The following NSUN7 variants were observed in gnomAD, a reference collection of about 807,000 sequenced individuals.
NSUN7 encodes the protein NOP2/Sun RNA methyltransferase family member 7, also known as protein NSUN7.
A neutral mutation model predicts 58.5 loss-of-function variants in NSUN7; 39 were observed. The observed-to-expected ratio is 0.67, with a 90% CI of 0.52 to 0.87. The LOEUF is 0.87. Among genes scored for constraint, NSUN7 ranks in the 40% least tolerant of loss-of-function variants. The probability of loss-of-function intolerance (pLI) is 0.00; values close to 1 mark genes in which losing one functional copy is unlikely to be tolerated. For missense variants in NSUN7, 765 were observed against 844.1 expected, an observed-to-expected ratio of 0.91 and a Z score of 1.16; for synonymous variants, 278 against 303.7, an observed-to-expected ratio of 0.92 and a Z score of 0.88.
chr4:40,791,000 G>T (rs1375181304), intron 8 of NSUN7, among the ~76,000 whole-genome samples: 1 of 152,124 alleles, frequency 6.6e-6, no homozygotes, highest in African/African-American at 2.4e-5. Flanking sequence ...ATGCTGGCCA[G>T]TATGCTATTC....
rs1742221473 is a variant in NSUN7, at chr4:40,775,488, T to C, written c.825+538T>C. 1 of 152,624 alleles carries C rather than the reference T, an allele frequency of 6.6e-6. No homozygotes were observed. The highest frequency in any genetic ancestry group is 2.1e-4 in the South Asian group (1 of 4,858). The allele number at this position is 152,624 out of a possible 1,614,324, so 9.5% of individuals were successfully genotyped here. A position where few individuals can be genotyped will look rare whatever the true frequency, so the allele number is the denominator to read the frequency against. ...GTAGTTTAAATTCATTTTTACATCCTTAGATTCCAATTATTGCCTCAGATA... is the reference window on the plus strand; with the variant it reads ...GTAGTTTAAATTCATTTTTACATCCCTAGATTCCAATTATTGCCTCAGATA... On this transcript the variant is annotated intron_variant, in intron 6 of 11. Transcript: ENST00000381782. The surrounding 1 kb of genome is among the most constrained non-coding windows in gnomAD (Gnocchi z 4.3).
At chr4:40,781,821 C>A (rs1171928397) in intron 7 of NSUN7, among the ~76,000 whole-genome samples, 1 of 151,790 alleles carries the variant, frequency 6.6e-6, no homozygotes, top group Non-Finnish European at 1.5e-5. Flanking sequence ...AAAAAAACTT[C>A]AAAGAACAGA....
chr4:40,804,565 A>G (rs571312098), intron 10 of NSUN7, among the ~76,000 whole-genome samples: 4 of 152,336 alleles, frequency 2.6e-5, no homozygotes, highest in Non-Finnish European at 5.9e-5. Flanking sequence ...TTTAGTAATT[A>G]CATTTTCCAA....
intron 7 of NSUN7, among the ~76,000 whole-genome samples, chr4:40,783,070 AT>A (rs1742653302): frequency 6.6e-6 from 1 of 152,228 alleles, no homozygotes; most frequent in African/African-American, 2.4e-5. Context: ...TAAATGAGTC[AT>A]GAAAAAGAAC....
At chr4:40,784,934 C>A (rs1282339653) in intron 7 of NSUN7, among the ~76,000 whole-genome samples, 1 of 152,200 alleles carries the variant, frequency 6.6e-6, no homozygotes, top group Non-Finnish European at 1.5e-5. Context: ...ATGTAGAACA[C>A]CGTACCTAGT....
chr4:40,806,749 A>G (rs7672633), intron 10 of NSUN7, among the ~76,000 whole-genome samples: 28,184 of 152,202 alleles, frequency 0.19, 3,160 homozygotes, highest in East Asian at 0.37. Flanking sequence ...TTGATAATGG[A>G]AAGCTTTTAC....
chr4:40,795,061 A>G (rs965616236), intron 9 of NSUN7, among the ~76,000 whole-genome samples: 1 of 152,190 alleles, frequency 6.6e-6, no homozygotes, highest in Admixed American at 6.5e-5. Context: ...AGAAATTAAT[A>G]AGCTTTTATT....
chr4:40,757,576 C>CAT (rs1287889792), intron 2 of NSUN7, among the ~76,000 whole-genome samples: 19 of 135,700 alleles, frequency 1.4e-4, no homozygotes, highest in South Asian at 1.4e-3. Context: ...ATATAAATTG[C>CAT]ATATATATAT....
At chr4:40,783,522 A>C (rs1168377927) in intron 7 of NSUN7, among the ~76,000 whole-genome samples, 1 of 152,184 alleles carries the variant, frequency 6.6e-6, no homozygotes, top group African/African-American at 2.4e-5. Flanking sequence ...TTAAAATTAA[A>C]AACTTTTGTG....
At chr4:40,769,421 C>G (rs184766369) in intron 4 of NSUN7, among the ~76,000 whole-genome samples, 2 of 152,304 alleles carry the variant, frequency 1.3e-5, no homozygotes, top group African/African-American at 4.8e-5. Flanking sequence ...GAAACCTGAT[C>G]CCTGAAAGAA....
chr4:40,790,499 G>A, intron 7 of NSUN7, 103 bp from the exon 8 acceptor site: 1 of 693,330 alleles, frequency 1.4e-6, no homozygotes, highest in Non-Finnish European at 2.2e-6. Context: ...GAATTTTTGT[G>A]AGGTTGAGGA....
At chr4:40,796,077 G>C (rs185499620) in intron 9 of NSUN7, among the ~76,000 whole-genome samples, 4 of 152,072 alleles carry the variant, frequency 2.6e-5, no homozygotes, top group African/African-American at 7.2e-5. Context: ...CTTTAAAATC[G>C]TAAGTGGGAG....
chr4:40,799,082 T>TTTTTG (rs1560563862), intron 10 of NSUN7, among the ~76,000 whole-genome samples, 178 bp downstream of exon 10: 6 of 138,174 alleles, frequency 4.3e-5, no homozygotes, highest in South Asian at 2.4e-4. Flanking sequence ...TCTTTTTTTT[T>TTTTTG]TTTTTTTTTT....
chr4:40,793,269 C>T (rs1434521053), intron 8 of NSUN7, among the ~76,000 whole-genome samples: 1 of 152,016 alleles, frequency 6.6e-6, no homozygotes, highest in Non-Finnish European at 1.5e-5. Flanking sequence ...TAGTGAAACC[C>T]AGTCTCTACT....
At chr4:40,778,955 A>G (rs1742396480) in intron 7 of NSUN7, among the ~76,000 whole-genome samples, 1 of 152,218 alleles carries the variant, frequency 6.6e-6, no homozygotes, top group Non-Finnish European at 1.5e-5. Flanking sequence ...AAATAAAGAT[A>G]TTCTCAGACA....
intron 7 of NSUN7, among the ~76,000 whole-genome samples, chr4:40,780,754 TACACACACACACAC>T (rs796117262): frequency 9.6e-6 from 1 of 104,240 alleles, no homozygotes; most frequent in Non-Finnish European, 1.8e-5. Context: ...AACATTGAAA[TACACACACACACAC>T]ACACACACAC....
chr4:40,758,288 T>C (rs1002225752), intron 2 of NSUN7, among the ~76,000 whole-genome samples: 1 of 152,144 alleles, frequency 6.6e-6, no homozygotes, highest in African/African-American at 2.4e-5. Flanking sequence ...TAGAAGTCCT[T>C]CTTTCTAATA....
chr4:40,765,764 T>TG (rs1741695121), intron 4 of NSUN7, among the ~76,000 whole-genome samples: 1 of 152,200 alleles, frequency 6.6e-6, no homozygotes, highest in Admixed American at 6.5e-5. Context: ...CATTGAGCAG[T>TG]GGTTTGTAAT....
intron 4 of NSUN7, among the ~76,000 whole-genome samples, chr4:40,768,240 C>T (rs565029304): frequency 1.1e-3 from 161 of 144,156 alleles, no homozygotes; most frequent in African/African-American, 3.9e-3. Context: ...CTTGCTCTGT[C>T]GCCCATGCTG....
Sources: gnomAD v4.1 joint callset for allele counts (sites outside exome capture counted in the v4.1 genomes callset) on GRCh38, gnomAD v4.1.1 for gene constraint, Gnocchi (gnomAD v3.1) non-coding constraint, MANE v1.5 for transcripts, NCBI Gene and HGNC (gene_info 2026-07-23, HGNC 2026-07-21) for gene names.